The following KLF8 variants were observed in gnomAD, a reference collection of about 807,000 sequenced individuals.
KLF8 encodes KLF transcription factor 8, also known as Krueppel-like factor 8.
In KLF8, 10 loss-of-function variants were observed where a neutral mutation model predicts 18.2. That is an observed-to-expected ratio of 0.55 (90% CI 0.34 to 0.93). The LOEUF (loss-of-function observed/expected upper bound fraction) is 0.93, where lower values mean the gene tolerates loss of function less well. KLF8 is among the 40% of genes least tolerant of loss of function. The pLI, the probability that KLF8 is intolerant of heterozygous loss-of-function variation, is 0.02. For synonymous variants in KLF8, 109 were observed against 97.3 expected (o/e 1.12, Z -0.71); for missense variants, 264 against 277.9 (o/e 0.95, Z 0.36).
the KLF8 span, among the ~76,000 whole-genome samples, chrX:56,000,501 T>A: frequency 9.6e-6 from 1 of 104,609 alleles, no homozygotes; most frequent in Admixed American, 1.0e-4. Flanking sequence ...GATTTTTTTT[T>A]ATTACTGATT....
chrX:56,283,047 G>C (rs942272007), intron 5 of KLF8, among the ~76,000 whole-genome samples: 2 of 111,933 alleles, frequency 1.8e-5, no homozygotes, highest in African/African-American at 6.5e-5. Flanking sequence ...GTACATTTAA[G>C]TGTATTGATA....
the KLF8 span, among the ~76,000 whole-genome samples, chrX:56,022,659 G>T: frequency 5.5e-5 from 6 of 108,844 alleles, no homozygotes; most frequent in African/African-American, 2.0e-4. Context: ...CCTCTCCCCA[G>T]TTCCACAGCA....
At chrX:56,114,709 G>A in the KLF8 span, among the ~76,000 whole-genome samples, 2 of 112,757 alleles carry the variant, frequency 1.8e-5, no homozygotes, top group Non-Finnish European at 1.9e-5. Context: ...CAGAATCAAG[G>A]ACTAAGAAAT....
At chrX:55,944,812 T>C in the KLF8 span, among the ~76,000 whole-genome samples, 2 of 111,608 alleles carry the variant, frequency 1.8e-5, no homozygotes, top group Non-Finnish European at 3.8e-5. Flanking sequence ...TTGAAGGGTT[T>C]TTTGTGTCTC....
At chrX:55,976,277 T>C in the KLF8 span, among the ~76,000 whole-genome samples, 1 of 111,468 alleles carries the variant, frequency 9.0e-6, no homozygotes, top group South Asian at 3.8e-4. Context: ...TACAGTATGA[T>C]GAACAATGTC....
chrX:55,923,337 G>C, the KLF8 span, among the ~76,000 whole-genome samples: 1 of 107,712 alleles, frequency 9.3e-6, no homozygotes, highest in African/African-American at 3.4e-5. Context: ...GCTGTCAGAA[G>C]GTGAGGGGTG....
the KLF8 span, among the ~76,000 whole-genome samples, chrX:55,943,088 C>T: frequency 5.1e-4 from 56 of 110,142 alleles, no homozygotes; most frequent in Non-Finnish European, 8.9e-4. Context: ...AATACAGCGG[C>T]GAGGGAATGA....
the KLF8 span, among the ~76,000 whole-genome samples, chrX:56,137,884 A>G: frequency 2.3e-4 from 25 of 109,655 alleles, no homozygotes; most frequent in Non-Finnish European, 3.8e-4. Flanking sequence ...TGAGATGTGA[A>G]AAAACCATAC....
the KLF8 span, among the ~76,000 whole-genome samples, chrX:56,086,591 C>A: frequency 9.0e-6 from 1 of 110,695 alleles, no homozygotes; most frequent in African/African-American, 3.3e-5. Flanking sequence ...AAAGCAATAA[C>A]ACAGACATTT....
chrX:56,270,286 G>A lies in KLF8; in HGVS notation c.863G>A (p.Ser288Asn). 2.5e-6 allele frequency: 3 copies of A among 1,177,996 alleles called. No individual in the cohort carries two copies. The highest frequency in any genetic ancestry group is 3.6e-5 in the South Asian group (2 of 56,064). Residue 288 changes from serine (S) to asparagine (N), a missense_variant, in exon 5 of 6, where the codon AGC becomes AAC. Physicochemically the swap from Ser to Asn is conservative, Grantham distance 46. Coordinates refer to ENST00000468660, the MANE Select transcript of KLF8 (RefSeq NM_007250.5). Reference sequence around the variant, plus strand: ...GGATGCAGCAAAGTGTACACCAAAAGCTCTCACCTGAAAGCTCACCGCAGA... The same window carrying A: ...GGATGCAGCAAAGTGTACACCAAAAACTCTCACCTGAAAGCTCACCGCAGA... Reference protein sequence around the residue: ...FAGCSKVYTKSSHLKAHRRIH... With the variant: ...FAGCSKVYTKNSHLKAHRRIH...
the KLF8 span, among the ~76,000 whole-genome samples, chrX:56,044,688 G>A: frequency 8.9e-6 from 1 of 112,228 alleles, no homozygotes; most frequent in African/African-American, 3.2e-5. Flanking sequence ...CAACAAAATC[G>A]CAGAGATCAT....
the KLF8 span, among the ~76,000 whole-genome samples, chrX:55,944,747 G>T: frequency 9.0e-6 from 1 of 110,897 alleles, no homozygotes; most frequent in South Asian, 3.8e-4. Flanking sequence ...CTTGCTAGTG[G>T]TCTATCAATT....
chrX:56,162,898 G>T, the KLF8 span, among the ~76,000 whole-genome samples: 1 of 111,307 alleles, frequency 9.0e-6, no homozygotes, highest in Non-Finnish European at 1.9e-5. Context: ...TTCCTAATCG[G>T]CCACCTTGGC....
chrX:56,070,277 T>A, the KLF8 span, among the ~76,000 whole-genome samples: 13,862 of 109,661 alleles, frequency 0.13, 1,604 homozygotes, highest in African/African-American at 0.37. Flanking sequence ...AGGGAGAGCA[T>A]TTGGACAAAT....
the KLF8 span, among the ~76,000 whole-genome samples, chrX:56,102,791 G>A: frequency 9.1e-6 from 1 of 110,203 alleles, no homozygotes; most frequent in African/African-American, 3.3e-5. Flanking sequence ...TAAGGTACAT[G>A]TGCAAAACTT....
chrX:55,926,748 A>T, the KLF8 span, among the ~76,000 whole-genome samples: 2 of 110,979 alleles, frequency 1.8e-5, no homozygotes, highest in Non-Finnish European at 3.8e-5. Context: ...TTTTAGGAAC[A>T]TGGAGTGTAC....
chrX:56,231,093 T>C (rs2066397487), upstream of KLF8, among the ~76,000 whole-genome samples: 1 of 111,837 alleles, frequency 8.9e-6, no homozygotes, highest in African/African-American at 3.3e-5. Context: ...GGATTTGTAA[T>C]CCAGGTAAAG....
At chrX:56,040,206 A>T in the KLF8 span, among the ~76,000 whole-genome samples, 1 of 111,606 alleles carries the variant, frequency 9.0e-6, no homozygotes, top group Non-Finnish European at 1.9e-5. Context: ...TCCAATTTGT[A>T]TACCCTTTAT....
chrX:55,966,412 G>GGA, the KLF8 span, among the ~76,000 whole-genome samples: 1 of 112,103 alleles, frequency 8.9e-6, no homozygotes, highest in African/African-American at 3.2e-5. Flanking sequence ...AGTTGTCCAT[G>GGA]GAGAGAGAGA....
Sources: allele counts gnomAD v4.1 joint callset (sites outside exome capture counted in the v4.1 genomes callset), GRCh38; gene constraint gnomAD v4.1.1; transcripts MANE v1.5; gene names NCBI Gene and HGNC (gene_info 2026-07-23, HGNC 2026-07-21).